ZMAT4: variants seen among roughly 807,000 people sequenced by gnomAD.
The protein encoded by ZMAT4 is zinc finger matrin-type protein 4.
In ZMAT4, 17 loss-of-function variants were observed where a neutral mutation model predicts 28.7. The ratio of observed to expected loss-of-function variants is 0.59; its 90% CI spans 0.41 to 0.89. The LOEUF (loss-of-function observed/expected upper bound fraction) is 0.89. Among genes scored for constraint, ZMAT4 ranks in the 40% least tolerant of loss-of-function variants. ZMAT4 has a pLI of 0.00. For missense variants in ZMAT4, 240 were observed against 283.8 expected, an observed-to-expected ratio of 0.85 and a Z score of 1.11; for synonymous variants, 117 against 109.2, an observed-to-expected ratio of 1.07 and a Z score of -0.44.
chr8:40,688,920 T>C (rs974615175), intron 4 of ZMAT4, among the ~76,000 whole-genome samples: 2 of 152,142 alleles, frequency 1.3e-5, no homozygotes, highest in Non-Finnish European at 2.9e-5. Context: ...AATGGATTTG[T>C]GTTGAGTTGT....
intron 5 of ZMAT4, among the ~76,000 whole-genome samples, chr8:40,650,211 C>A (rs994700036): frequency 1.1e-4 from 17 of 152,042 alleles, no homozygotes; most frequent in African/African-American, 3.9e-4. Flanking sequence ...AGGGAAGAAT[C>A]AAATAGACGC....
At chr8:40,628,941 A>G (rs958911894) in intron 5 of ZMAT4, among the ~76,000 whole-genome samples, 2 of 152,124 alleles carry the variant, frequency 1.3e-5, no homozygotes, top group African/African-American at 4.8e-5. Flanking sequence ...TTGCGTTTCT[A>G]TGAAACATCA....
chr8:40,534,336 A>G (rs1205707637), intron 6 of ZMAT4, among the ~76,000 whole-genome samples: 6 of 152,236 alleles, frequency 3.9e-5, no homozygotes, highest in African/African-American at 1.4e-4. Flanking sequence ...GAACACGGAA[A>G]ATTTCACTGC....
At chr8:40,883,235 A>G (rs1166167069) in intron 1 of ZMAT4, among the ~76,000 whole-genome samples, 1 of 152,160 alleles carries the variant, frequency 6.6e-6, no homozygotes, top group Non-Finnish European at 1.5e-5. Flanking sequence ...TTCTCCAGGT[A>G]TGTGACCTTG....
chr8:40,779,320 G>A (rs988895789), intron 2 of ZMAT4, among the ~76,000 whole-genome samples: 5 of 152,004 alleles, frequency 3.3e-5, no homozygotes, highest in Non-Finnish European at 5.9e-5. Context: ...CCAGTCTCAG[G>A]AATGTCTTTA....
chr8:40,824,211 A>G (rs551418649), intron 2 of ZMAT4, among the ~76,000 whole-genome samples: 4 of 152,364 alleles, frequency 2.6e-5, no homozygotes, highest in Admixed American at 2.0e-4. Flanking sequence ...TAAGCCTTCC[A>G]ATATAAAATT....
At chr8:40,778,890 A>G (rs1413685321) in intron 2 of ZMAT4, among the ~76,000 whole-genome samples, 1 of 152,194 alleles carries the variant, frequency 6.6e-6, no homozygotes, top group Non-Finnish European at 1.5e-5. Context: ...TGAGTAGAGG[A>G]TTTTTTGAGT....
intron 3 of ZMAT4, among the ~76,000 whole-genome samples, chr8:40,713,935 A>G (rs1024778219): frequency 2.3e-4 from 35 of 150,202 alleles, no homozygotes; most frequent in African/African-American, 7.5e-4. Context: ...AAAAAAAAAA[A>G]AAAAGAAAAA....
chr8:40,574,420 C>T (rs1804195170), intron 6 of ZMAT4, among the ~76,000 whole-genome samples: 1 of 151,916 alleles, frequency 6.6e-6, no homozygotes, highest in South Asian at 2.1e-4. Context: ...AAAAGGGATA[C>T]ATAGGCAAAT....
chr8:40,727,647 G>T (rs1811367917), intron 3 of ZMAT4, among the ~76,000 whole-genome samples: 1 of 152,128 alleles, frequency 6.6e-6, no homozygotes, highest in Admixed American at 6.5e-5. Context: ...CTTATCAGAA[G>T]AATAATTCAA....
chr8:40,798,744 A>G (rs1814697526), intron 2 of ZMAT4, among the ~76,000 whole-genome samples: 1 of 152,176 alleles, frequency 6.6e-6, no homozygotes, highest in Non-Finnish European at 1.5e-5. Context: ...TATTGCTACT[A>G]TTTCTCAACA....
At chr8:40,628,673 G>C (rs1030784781) in intron 5 of ZMAT4, among the ~76,000 whole-genome samples, 2 of 152,152 alleles carry the variant, frequency 1.3e-5, no homozygotes, top group Non-Finnish European at 2.9e-5. Flanking sequence ...ATGGTGTAAA[G>C]GTTGGTAGCT....
At chr8:40,653,790 A>G (rs1807794408) in intron 5 of ZMAT4, among the ~76,000 whole-genome samples, 1 of 152,208 alleles carries the variant, frequency 6.6e-6, no homozygotes, top group Non-Finnish European at 1.5e-5. Context: ...TTCATACAAA[A>G]AAAGAGTCAG....
intron 1 of ZMAT4, among the ~76,000 whole-genome samples, chr8:40,864,409 T>C (rs1817605547): frequency 6.6e-6 from 1 of 152,208 alleles, no homozygotes; most frequent in Non-Finnish European, 1.5e-5. Context: ...TCTCTAATGC[T>C]GGGGTGTCAC....
intron 3 of ZMAT4, among the ~76,000 whole-genome samples, chr8:40,707,672 G>C (rs1810421721): frequency 6.6e-6 from 1 of 152,136 alleles, no homozygotes; most frequent in Admixed American, 6.5e-5. Flanking sequence ...ATGTATGTCT[G>C]TGTGTATATA....
chr8:40,539,657 G>A (rs1802963714), intron 6 of ZMAT4, among the ~76,000 whole-genome samples: 1 of 152,188 alleles, frequency 6.6e-6, no homozygotes, highest in Non-Finnish European at 1.5e-5. Context: ...ATATAATGTA[G>A]ATGAATGTGA....
chr8:40,663,629 TTATC>T (rs1808290422), intron 5 of ZMAT4, among the ~76,000 whole-genome samples: 1 of 152,338 alleles, frequency 6.6e-6, no homozygotes, highest in South Asian at 2.1e-4. Flanking sequence ...AGCAGTTTAA[TTATC>T]TAATCCAAAA....
intron 3 of ZMAT4, among the ~76,000 whole-genome samples, chr8:40,747,170 T>C (rs897226369): frequency 6.6e-6 from 1 of 152,242 alleles, no homozygotes; most frequent in South Asian, 2.1e-4. Context: ...AAAGAATTAC[T>C]TGAAATTATC....
At chr8:40,715,003 C>T (rs35393529) in intron 3 of ZMAT4, among the ~76,000 whole-genome samples, 14,127 of 140,598 alleles carry the variant, frequency 0.1, 870 homozygotes, top group Middle Eastern at 0.2. Context: ...GAGCCGAGAT[C>T]GCTCCACTGC....
Sources: gnomAD v4.1 joint callset for allele counts (sites outside exome capture counted in the v4.1 genomes callset) on GRCh38, gnomAD v4.1.1 for gene constraint, MANE v1.5 for transcripts, NCBI Gene and HGNC (gene_info 2026-07-23, HGNC 2026-07-21) for gene names.